The following PTPN11 variants were observed in gnomAD, a reference collection of about 807,000 sequenced individuals.
PTPN11 encodes protein tyrosine phosphatase non-receptor type 11.
In PTPN11, 6 loss-of-function variants were observed where a neutral mutation model predicts 78.8. The ratio of observed to expected loss-of-function variants is 0.08; its 90% CI spans 0.04 to 0.15. PTPN11 has a LOEUF of 0.15. PTPN11 is among the 10% of genes least tolerant of loss of function. The probability of loss-of-function intolerance (pLI) is 1.00; values close to 1 mark genes in which losing one functional copy is unlikely to be tolerated. For missense variants in PTPN11, 386 were observed against 744.8 expected (o/e 0.52, Z 5.61); for synonymous variants, 221 against 263.5 (o/e 0.84, Z 1.56).
intron 6 of PTPN11, among the ~76,000 whole-genome samples, chr12:112,467,792 G>A (rs1292578061): frequency 1.3e-5 from 2 of 152,098 alleles, no homozygotes; most frequent in Non-Finnish European, 2.9e-5. Context: ...ACTGCGCACG[G>A]CCACCACACT....
rs746112827 is a variant in PTPN11 at position 112,486,595 on chromosome 12, A to G, written c.1345A>G (p.Ile449Val). 2.5e-6 allele frequency: 4 copies of G among 1,613,682 alleles called. No homozygotes were observed. The highest frequency in any genetic ancestry group is 2.5e-6 in the Non-Finnish European group (3 of 1,180,028). Residue 449 changes from isoleucine (I) to valine (V), a missense_variant, in exon 11 of 16, where the codon ATC becomes GTC. Around this residue, in one of 3 missense-constraint regions of PTPN11, gnomAD observed 63 missense variants for 182.2 expected, o/e 0.35. Coordinates refer to ENST00000351677, the MANE Select transcript of PTPN11 (RefSeq NM_002834.5). ...LEEVHHKQES[I>V]MDAGPVVVHC... is the part of the protein sequence containing the mutation. ...GGAGGTGCACCATAAGCAGGAGAGC[A>G]TCATGGATGCAGGGCCGGTCGTGGT...
At chr12:112,429,394 G>T (rs1236631975) in intron 1 of PTPN11, among the ~76,000 whole-genome samples, 1 of 151,468 alleles carries the variant, frequency 6.6e-6, no homozygotes, top group Non-Finnish European at 1.5e-5. Flanking sequence ...AAGGGTAAAA[G>T]AGAAGACCAC....
At chr12:112,486,387 A>C in intron 10 of PTPN11, 88 bp from the exon 11 acceptor site, 1 of 1,356,694 alleles carries the variant, frequency 7.4e-7, no homozygotes, top group Non-Finnish European at 1.0e-6. Flanking sequence ...CTTCCTCTCC[A>C]TTGGATTTAG....
At chr12:112,439,200 C>A (rs2037842556) in intron 1 of PTPN11, among the ~76,000 whole-genome samples, 2 of 152,160 alleles carry the variant, frequency 1.3e-5, no homozygotes, top group East Asian at 3.8e-4. Flanking sequence ...TATGTGGCTA[C>A]CCCTAAGGCT....
intron 14 of PTPN11, among the ~76,000 whole-genome samples, chr12:112,503,413 A>G (rs2038900850): frequency 6.6e-6 from 1 of 152,096 alleles, no homozygotes; most frequent in Non-Finnish European, 1.5e-5. Context: ...GGATTTTTAA[A>G]CCCCTGCAGA....
chr12:112,496,926 C>G (rs578203537), intron 13 of PTPN11, among the ~76,000 whole-genome samples: 1 of 152,254 alleles, frequency 6.6e-6, no homozygotes, highest in African/African-American at 2.4e-5. Flanking sequence ...AATCCTAGCA[C>G]TTTGGGAGGC....
chr12:112,421,665 C>T (rs2037523771), intron 1 of PTPN11, among the ~76,000 whole-genome samples: 1 of 151,974 alleles, frequency 6.6e-6, no homozygotes, highest in African/African-American at 2.4e-5. Flanking sequence ...GATAGGGTCT[C>T]ACTTTGTTGC....
At chr12:112,420,164 G>A (rs1030688696) in intron 1 of PTPN11, among the ~76,000 whole-genome samples, 22 of 152,232 alleles carry the variant, frequency 1.4e-4, no homozygotes, top group African/African-American at 5.3e-4. Context: ...TTGTCAAACA[G>A]TAGTGTGACC....
intron 12 of PTPN11, 135 bp downstream of exon 12, chr12:112,488,645 T>C: frequency 3.3e-6 from 3 of 907,846 alleles, no homozygotes; most frequent in Non-Finnish European, 5.3e-6. Context: ...AAGACTTCAG[T>C]GTGTCTGCCT....
intron 10 of PTPN11, 87 bp from the exon 11 acceptor site, chr12:112,486,388 T>C (rs934080672): frequency 3.7e-6 from 5 of 1,360,248 alleles, no homozygotes; most frequent in Admixed American, 3.5e-5. Context: ...TTCCTCTCCA[T>C]TGGATTTAGG....
intron 2 of PTPN11, among the ~76,000 whole-genome samples, chr12:112,446,780 T>C (rs1375696819): frequency 2.6e-5 from 4 of 152,152 alleles, no homozygotes; most frequent in Non-Finnish European, 5.9e-5. Flanking sequence ...TCTTCCAATG[T>C]TGGCCAGGTT....
chr12:112,502,832 G>A (rs891115718), intron 14 of PTPN11, among the ~76,000 whole-genome samples: 1 of 152,228 alleles, frequency 6.6e-6, no homozygotes, highest in African/African-American at 2.4e-5. Flanking sequence ...AGTATATCAA[G>A]TGGTGGTTCT....
chr12:112,451,053 C>T (rs1055333367), intron 3 of PTPN11, among the ~76,000 whole-genome samples: 3 of 152,158 alleles, frequency 2.0e-5, no homozygotes, highest in Admixed American at 6.6e-5. Flanking sequence ...AGATCTTTCC[C>T]CCTGTGTTGG....
chr12:112,474,759 G>C (rs907216520), intron 7 of PTPN11, among the ~76,000 whole-genome samples: 3 of 152,062 alleles, frequency 2.0e-5, no homozygotes, highest in Non-Finnish European at 4.4e-5. Context: ...GGGACTACAG[G>C]CATGTGCTAC....
At chr12:112,486,028 T>C (rs1592852592) in intron 10 of PTPN11, among the ~76,000 whole-genome samples, 1 of 147,136 alleles carries the variant, frequency 6.8e-6, no homozygotes, top group Non-Finnish European at 1.5e-5. Context: ...GTTTATATGG[T>C]GGGGAAGGTT....
chr12:112,430,739 CTT>C (rs891772888), intron 1 of PTPN11, among the ~76,000 whole-genome samples: 1 of 142,778 alleles, frequency 7.0e-6, no homozygotes. Flanking sequence ...AATTTTTTTT[CTT>C]TTTTTTTTTG....
At chr12:112,503,671 G>A (rs377647884) in intron 14 of PTPN11, among the ~76,000 whole-genome samples, 2 of 152,130 alleles carry the variant, frequency 1.3e-5, no homozygotes, top group Non-Finnish European at 2.9e-5. Flanking sequence ...CAGACAGCTC[G>A]TCCCTCCTGT....
intron 6 of PTPN11, among the ~76,000 whole-genome samples, chr12:112,470,655 C>A (rs147896577): frequency 2.0e-5 from 3 of 152,148 alleles, no homozygotes; most frequent in Non-Finnish European, 2.9e-5. Context: ...ACCGCCCCCC[C>A]ACCTCAGTGA....
Position 112,506,943 on chromosome 12 carries a change from CTATT to C in PTPN11, c.*1152_*1155del, listed in dbSNP as rs1208479343. 4.5e-6 allele frequency: 1 copy of C among 222,304 alleles called. No individual in the cohort carries two copies. The highest frequency in any genetic ancestry group is 8.3e-6 in the Non-Finnish European group (1 of 119,872). The allele number at this position is 222,304 out of a possible 1,614,324, so 13.8% of individuals were successfully genotyped here. A position where few individuals can be genotyped will look rare whatever the true frequency, so the allele number is the denominator to read the frequency against. On this transcript the variant is annotated 3_prime_UTR_variant, in exon 16 of 16. Transcript: ENST00000351677. ...GTCACAGTGTCCCTTCTACTTCCCT[CTATT>C]GATGATGATGATGATGATGATGATG...
Sources: allele counts gnomAD v4.1 joint callset (sites outside exome capture counted in the v4.1 genomes callset), GRCh38; gene constraint gnomAD v4.1.1; regional missense constraint gnomAD v4.1.1; transcripts MANE v1.5; gene names NCBI Gene and HGNC (gene_info 2026-07-23, HGNC 2026-07-21).